The following ADAMTS16 variants were observed in gnomAD, a reference collection of about 807,000 sequenced individuals.
ADAMTS16 encodes ADAM metallopeptidase with thrombospondin type 1 motif 16.
In ADAMTS16, 94 loss-of-function variants were observed where a neutral mutation model predicts 145.8. The observed-to-expected ratio is 0.64, with a 90% confidence interval of 0.55 to 0.77. The LOEUF (loss-of-function observed/expected upper bound fraction) is 0.77. Among genes scored for constraint, ADAMTS16 ranks in the 30% least tolerant of loss-of-function variants. The pLI is 0.00. For synonymous variants in ADAMTS16, 659 were observed against 604.3 expected (o/e 1.09, Z -1.33); for missense variants, 1,585 against 1,591.5 (o/e 1.00, Z 0.07).
At chr5:5,214,209 T>C (rs1323794059) in intron 10 of ADAMTS16, among the ~76,000 whole-genome samples, 1 of 152,208 alleles carries the variant, frequency 6.6e-6, no homozygotes, top group Non-Finnish European at 1.5e-5. Flanking sequence ...AACTTCATAG[T>C]TTTGTGGCAG....
At chr5:5,184,992 C>T (rs1735458796) in intron 4 of ADAMTS16, among the ~76,000 whole-genome samples, 1 of 152,170 alleles carries the variant, frequency 6.6e-6, no homozygotes, top group African/African-American at 2.4e-5. Context: ...TGTTCCTCTC[C>T]TCTGCCTTCA....
intron 18 of ADAMTS16, among the ~76,000 whole-genome samples, chr5:5,278,495 G>A (rs1288814098): frequency 6.6e-6 from 1 of 152,136 alleles, no homozygotes; most frequent in African/African-American, 2.4e-5. Context: ...GCTAAGCAGA[G>A]CTCCCTGATT....
chr5:5,271,529 C>A (rs1479504831), intron 18 of ADAMTS16, among the ~76,000 whole-genome samples: 1 of 152,270 alleles, frequency 6.6e-6, no homozygotes, highest in Non-Finnish European at 1.5e-5. Flanking sequence ...GCCTTTTTAT[C>A]ACTTGCTTTT....
In ADAMTS16 at chr5:5,225,104, A is replaced by C. The variant is rs1038337348; in HGVS notation, c.1701+2220A>C. Among the ~76,000 whole-genome samples the C allele has an allele frequency of 3.9e-5, 6 of 152,180 alleles. 1 individual carries two copies. The highest frequency in any genetic ancestry group is 3.9e-4 in the Admixed American group (6 of 15,276). ...GCTGAACCATGGTCCAAAGCAATAA[A>C]GTTCTGTCCAGGGTCACCTGGCTGT... On this transcript the variant is annotated intron_variant, in intron 11 of 22. Transcript: ENST00000274181.
At chr5:5,169,300 G>C (rs1734982505) in intron 3 of ADAMTS16, among the ~76,000 whole-genome samples, 2 of 152,186 alleles carry the variant, frequency 1.3e-5, no homozygotes, top group Admixed American at 1.3e-4. Flanking sequence ...AAACATTCAT[G>C]CTTAGCTGCT....
At chr5:5,277,756 G>A (rs960406011) in intron 18 of ADAMTS16, among the ~76,000 whole-genome samples, 21 of 152,224 alleles carry the variant, frequency 1.4e-4, no homozygotes, top group South Asian at 8.3e-4. Flanking sequence ...CCGGAGGATC[G>A]CTTGAGATAG....
At chr5:5,292,340 A>G (rs1028931054) in intron 18 of ADAMTS16, among the ~76,000 whole-genome samples, 1 of 151,842 alleles carries the variant, frequency 6.6e-6, no homozygotes, top group Non-Finnish European at 1.5e-5. Flanking sequence ...TACTAAAAAT[A>G]CAAAAAATTA....
intron 11 of ADAMTS16, among the ~76,000 whole-genome samples, chr5:5,225,859 A>AATTCACATGGTCATGGTGAAATTAATTC (rs1736748731): frequency 1.6e-5 from 2 of 123,598 alleles, no homozygotes; most frequent in African/African-American, 5.6e-5. Flanking sequence ...CTGTGAAGAT[A>AATTCACATGGTCATGGTGAAATTAATTC]ATTAATTCAC....
At position 5,162,730 on chromosome 5, in the gene ADAMTS16, A is replaced by C. The variant is rs546031236; in HGVS notation, c.501+16275A>C. Among the ~76,000 whole-genome samples, 4 of 149,492 alleles carry C rather than the reference A, an allele frequency of 2.7e-5. No homozygotes were observed. The South Asian group carries it at 8.6e-4, about 32-fold the overall frequency. On this transcript the variant is annotated intron_variant, in intron 3 of 22. Transcript: ENST00000274181. ...TGATGAAAGACCAGAGAGAGAGAGA[A>C]AAAGAGAGAGAGAGGAGAAGAGAAG... is the stretch of plus-strand genomic sequence containing the variant.
chr5:5,228,714 C>T (rs1736836996), intron 11 of ADAMTS16, among the ~76,000 whole-genome samples: 1 of 152,158 alleles, frequency 6.6e-6, no homozygotes, highest in African/African-American at 2.4e-5. Flanking sequence ...AGACTTTTCT[C>T]CCCATCTAAT....
At chr5:5,239,993 G>A (rs1737238353) in intron 16 of ADAMTS16, 68 bp downstream of exon 16, 2 of 1,569,046 alleles carry the variant, frequency 1.3e-6, no homozygotes, top group Non-Finnish European at 1.7e-6. Context: ...GTAAGTTAAT[G>A]GCTGTTGGCA....
chr5:5,186,682 A>G (rs938839413), intron 5 of ADAMTS16, among the ~76,000 whole-genome samples: 1 of 152,180 alleles, frequency 6.6e-6, no homozygotes, highest in Admixed American at 6.5e-5. Flanking sequence ...AAATTATTTT[A>G]TCTATAAAAA....
At chr5:5,276,623 G>A (rs1034986570) in intron 18 of ADAMTS16, among the ~76,000 whole-genome samples, 2 of 152,170 alleles carry the variant, frequency 1.3e-5, no homozygotes, top group South Asian at 2.1e-4. Context: ...AGAGCCAGGC[G>A]CTACGCAGCA....
At chr5:5,167,596 C>T (rs73036293) in intron 3 of ADAMTS16, among the ~76,000 whole-genome samples, 12 of 152,280 alleles carry the variant, frequency 7.9e-5, no homozygotes, top group South Asian at 2.1e-4. Context: ...TTTAGAAGGT[C>T]GCTAGTGAGT....
intron 17 of ADAMTS16, among the ~76,000 whole-genome samples, chr5:5,247,350 A>C (rs1579339415): frequency 6.6e-6 from 1 of 150,910 alleles, no homozygotes; most frequent in Admixed American, 6.6e-5. Context: ...AAAATATATT[A>C]CCCCCCCGCC....
Position 5,269,362 on chromosome 5 carries a change from C to A in ADAMTS16, c.2789+6579C>A, listed in dbSNP as rs2126447836. ...GGAGCTCAGCAGTAAATGCTACCCC[C>A]AAAATCCCATGTTATCACTCTAAAA... On this transcript the variant is annotated intron_variant, in intron 18 of 22. Coordinates refer to ENST00000274181, the MANE Select transcript of ADAMTS16 (RefSeq NM_139056.4). This position sits in a 1 kb window ranked among gnomAD's most constrained non-coding sequence, Gnocchi z 4.3. Among the ~76,000 whole-genome samples the A allele has an allele frequency of 6.6e-6, 1 of 152,244 alleles. No homozygotes were observed. Among genetic ancestry groups the A allele is most frequent in the Non-Finnish European group, 1.5e-5 (1 of 68,020 alleles).
At chr5:5,235,311 A>C in intron 13 of ADAMTS16, 125 bp downstream of exon 13, 1 of 1,044,136 alleles carries the variant, frequency 9.6e-7, no homozygotes, top group South Asian at 3.2e-5. Flanking sequence ...TGAGGGTCGC[A>C]TATTCTCTTC....
intron 17 of ADAMTS16, among the ~76,000 whole-genome samples, chr5:5,257,085 G>C (rs1336889112): frequency 6.6e-6 from 1 of 152,034 alleles, no homozygotes; most frequent in Non-Finnish European, 1.5e-5. Flanking sequence ...TAATTTAATA[G>C]TCTCTCAGCC....
chr5:5,162,469 A>G (rs1053981998), intron 3 of ADAMTS16, among the ~76,000 whole-genome samples: 1 of 152,178 alleles, frequency 6.6e-6, no homozygotes, highest in African/African-American at 2.4e-5. Flanking sequence ...GAACATTCCC[A>G]TGAGCATCCT....
Sources: gnomAD v4.1 joint callset for allele counts (sites outside exome capture counted in the v4.1 genomes callset) on GRCh38, gnomAD v4.1.1 for gene constraint, Gnocchi (gnomAD v3.1) non-coding constraint, MANE v1.5 for transcripts, NCBI Gene and HGNC (gene_info 2026-07-23, HGNC 2026-07-21) for gene names.